The following NWD1 variants were observed in gnomAD, a reference collection of about 807,000 sequenced individuals.
NWD1 encodes NACHT and WD repeat domain containing 1.
A neutral mutation model predicts 135.1 loss-of-function variants in NWD1; 129 were observed. The ratio of observed to expected loss-of-function variants is 0.96; its 90% CI spans 0.83 to 1.11. The LOEUF (loss-of-function observed/expected upper bound fraction) is 1.11, where lower values mean the gene tolerates loss of function less well. Among genes scored for constraint, NWD1 ranks in the 50% least tolerant of loss-of-function variants. The pLI is 0.00. For synonymous variants in NWD1, 773 were observed against 786.0 expected, an observed-to-expected ratio of 0.98 and a Z score of 0.28; for missense variants, 1,740 against 1,851.3, an observed-to-expected ratio of 0.94 and a Z score of 1.10.
intron 10 of NWD1, among the ~76,000 whole-genome samples, chr19:16,770,124 T>C (rs1568366907): frequency 6.6e-6 from 1 of 152,220 alleles, no homozygotes. Flanking sequence ...AATTTTTACC[T>C]TTAACACATT....
chr19:16,737,612 G>A (rs987721625), intron 4 of NWD1, among the ~76,000 whole-genome samples: 2 of 151,398 alleles, frequency 1.3e-5, no homozygotes, highest in African/African-American at 4.9e-5. Context: ...GCCCAGGCTG[G>A]CCTGAGTCCT....
At chr19:16,730,352 A>T (rs1379511986) in intron 2 of NWD1, among the ~76,000 whole-genome samples, 1 of 151,856 alleles carries the variant, frequency 6.6e-6, no homozygotes, top group African/African-American at 2.4e-5. Flanking sequence ...ACAAAAAAAA[A>T]ACCCAAAATC....
rs1555730360 is a variant in NWD1 at position 16,790,639 on chromosome 19, AAAT to A, written c.2941-708_2941-706del. ...CAAAACTGAAAGTAACATTAAAAAA[AAAT>A]AAATAAATAAATAAATAAATAAATA... On this transcript the variant is annotated intron_variant, in intron 13 of 18. Coordinates refer to ENST00000524140, the MANE Select transcript of NWD1 (RefSeq NM_001007525.5). 5.0e-4 allele frequency among the ~76,000 whole-genome samples: 74 copies of A among 147,332 alleles called. 1 individual carries two copies. The highest frequency in any genetic ancestry group is 7.1e-3 in the Middle Eastern group (2 of 282).
In NWD1 at chr19:16,765,156, C is replaced by T; in HGVS notation, c.2374C>T (p.Gln792Ter). ...GGTTGGCCTGGTCCGTGAAGCCCTC[C>T]AGCTCTGCCGCCCTGCTGTGGAGCT... ...PEVGLVREALQLCRPAVELRG... is the reference protein window; with the variant it reads ...PEVGLVREAL The change falls in exon 10 of 19, where the codon CAG (glutamine) becomes TAG (stop). Residue 792 changes from glutamine (Q) to a stop codon, truncating the protein, a stop_gained. Transcript: ENST00000524140. LOFTEE classifies it high-confidence loss of function. 6.2e-7 allele frequency: 1 copy of T among 1,614,140 alleles called. No homozygotes were observed. The highest frequency in any genetic ancestry group is 2.2e-5 in the East Asian group (1 of 44,876).
At chr19:16,736,209 T>TTTCCCTCCTTCCTTCCTTCCTTCC (rs1967807013) in intron 3 of NWD1, among the ~76,000 whole-genome samples, 1 of 117,034 alleles carries the variant, frequency 8.5e-6, no homozygotes, top group African/African-American at 3.6e-5. Flanking sequence ...TCCTTCCTTC[T>TTTCCCTCCTTCCTTCCTTCCTTCC]TTCCTTCCTT....
At chr19:16,803,221 C>T (rs1374155109) in intron 17 of NWD1, among the ~76,000 whole-genome samples, 4 of 152,122 alleles carry the variant, frequency 2.6e-5, no homozygotes, top group African/African-American at 4.8e-5. Context: ...CAGCTGGCCT[C>T]GGCCTTGACC....
At chr19:16,729,261 A>G (rs1046032581) in intron 2 of NWD1, among the ~76,000 whole-genome samples, 11 of 152,016 alleles carry the variant, frequency 7.2e-5, no homozygotes, top group African/African-American at 2.7e-4. Context: ...GCCCTGTGTG[A>G]CCGGACCCTG....
chr19:16,722,526 C>T (rs1310880606), intron 1 of NWD1, among the ~76,000 whole-genome samples: 7 of 151,866 alleles, frequency 4.6e-5, no homozygotes, highest in East Asian at 2.0e-4. Context: ...TGACCTCAGG[C>T]GATCCGCCCA....
At chr19:16,786,951 C>T (rs2123031980) in intron 12 of NWD1, among the ~76,000 whole-genome samples, 1 of 152,216 alleles carries the variant, frequency 6.6e-6, no homozygotes, top group East Asian at 1.9e-4. Context: ...AGCAGAATCT[C>T]CATTTGTCTG....
intron 15 of NWD1, among the ~76,000 whole-genome samples, chr19:16,796,139 C>T (rs1240097634): frequency 1.3e-5 from 2 of 151,940 alleles, no homozygotes; most frequent in Non-Finnish European, 2.9e-5. Flanking sequence ...ACGTAACATT[C>T]AATTGGTTAA....
intron 6 of NWD1, among the ~76,000 whole-genome samples, chr19:16,758,051 C>CA (rs35974335): frequency 0.39 from 51,990 of 133,558 alleles, 9,577 homozygotes; most frequent in Middle Eastern, 0.55. Flanking sequence ...GACTCTGTCT[C>CA]AAAAAAAAAA....
intron 14 of NWD1, among the ~76,000 whole-genome samples, chr19:16,794,008 T>C (rs1247363809): frequency 6.6e-6 from 1 of 152,104 alleles, no homozygotes; most frequent in Non-Finnish European, 1.5e-5. Flanking sequence ...ATCCTCCTGC[T>C]TGAGCCTCCT....
At chr19:16,746,916 C>T (rs1240552213) in intron 5 of NWD1, among the ~76,000 whole-genome samples, 2 of 152,096 alleles carry the variant, frequency 1.3e-5, no homozygotes, top group African/African-American at 4.8e-5. Flanking sequence ...GTCTTGCTGT[C>T]TCAGGGGTGG....
At chr19:16,751,625 A>T (rs966469596) in intron 6 of NWD1, among the ~76,000 whole-genome samples, 5 of 151,844 alleles carry the variant, frequency 3.3e-5, no homozygotes, top group African/African-American at 9.7e-5. Flanking sequence ...ACATGGTGAA[A>T]CCTCATCTCA....
In NWD1 at chr19:16,750,292, C is replaced by T. The variant is rs572465277; in HGVS notation, c.1650C>T (p.Thr550=). ...AAGCCCGGAAATGGGCCTCTTTCAC[C>T]GTGCCTGTCCCGCTGGCCACCACCG... The part of the protein sequence containing the change: ...FEEARKWASF[T]VPVPLATTAE... The change falls in exon 6 of 19, where the codon ACC becomes ACT. Residue 550 remains threonine, a synonymous_variant. Transcript: ENST00000524140. The T allele has an allele frequency of 5.6e-5, 90 of 1,613,560 alleles. No individual in the cohort carries two copies. Among genetic ancestry groups the T allele is most frequent in the South Asian group, 9.9e-5 (9 of 91,078 alleles).
chr19:16,800,173 TA>T lies in NWD1; in HGVS notation c.3736+12del. 6.3e-7 allele frequency: 1 copy of T among 1,592,264 alleles called. No homozygotes were observed. The highest frequency in any genetic ancestry group is 8.6e-7 in the Non-Finnish European group (1 of 1,167,128). ...GGGACTTGGCAGAAGGTTGGTAAGG[TA>T]TAAGTATGGTCATTTTTGTGGGTAA... On this transcript the variant is annotated intron_variant, in intron 17 of 18. Transcript: ENST00000524140.
At chr19:16,734,051 A>G (rs1380200053) in intron 3 of NWD1, among the ~76,000 whole-genome samples, 1 of 152,084 alleles carries the variant, frequency 6.6e-6, no homozygotes, top group South Asian at 2.1e-4. Context: ...AGCTTTGCCT[A>G]CCTGAACTGA....
intron 4 of NWD1, among the ~76,000 whole-genome samples, chr19:16,739,320 T>A: frequency 1.0e-5 from 1 of 96,650 alleles, no homozygotes; most frequent in Non-Finnish European, 1.9e-5. Flanking sequence ...AGTGAGACCC[T>A]ATCTCTACCA....
chr19:16,765,195 G>T lies in NWD1; in HGVS notation c.2410+3G>T. On this transcript the variant is annotated splice_donor_region_variant and intron_variant, in intron 10 of 18. Transcript: ENST00000524140. Reference sequence around the variant, plus strand: ...TGCTGTGGAGCTCCGAGGCATGGGTGAGTCCAGATGGCCTGGATAGGAGTG... The same window carrying T: ...TGCTGTGGAGCTCCGAGGCATGGGTTAGTCCAGATGGCCTGGATAGGAGTG... 2.5e-6 allele frequency: 4 copies of T among 1,613,942 alleles called. No homozygotes were observed. The highest frequency in any genetic ancestry group is 3.4e-6 in the Non-Finnish European group (4 of 1,179,958).
Sources: gnomAD v4.1 joint callset for allele counts (sites outside exome capture counted in the v4.1 genomes callset) on GRCh38, gnomAD v4.1.1 for gene constraint, MANE v1.5 for transcripts, NCBI Gene and HGNC (gene_info 2026-07-23, HGNC 2026-07-21) for gene names.